Variants in CCDC13 observed in about 807,000 individuals in gnomAD.
CCDC13 encodes the protein coiled-coil domain containing 13.
A neutral mutation model predicts 87.3 loss-of-function variants in CCDC13; 70 were observed. That is an observed-to-expected ratio of 0.80 (90% CI 0.66 to 0.98). The LOEUF is 0.98. Among genes scored for constraint, CCDC13 ranks in the 50% least tolerant of loss-of-function variants. The pLI, the probability that CCDC13 is intolerant of heterozygous loss-of-function variation, is 0.00. For synonymous variants in CCDC13, 317 were observed against 360.3 expected (o/e 0.88, Z 1.36); for missense variants, 842 against 892.0 (o/e 0.94, Z 0.71).
intron 3 of CCDC13, among the ~76,000 whole-genome samples, chr3:42,753,131 T>C (rs989216127): frequency 5.3e-5 from 8 of 152,176 alleles, no homozygotes; most frequent in African/African-American, 1.7e-4. Flanking sequence ...CTTTGGCCAA[T>C]AGCATGTTAA....
chr3:42,733,683 G>T, intron 10 of CCDC13, 74 bp from the exon 11 acceptor site: 1 of 1,510,186 alleles, frequency 6.6e-7, no homozygotes. Context: ...GGGGATCTTG[G>T]CTTGATTTCG....
At chr3:42,744,579 G>A (rs561653830) in intron 7 of CCDC13, among the ~76,000 whole-genome samples, 1 of 152,174 alleles carries the variant, frequency 6.6e-6, no homozygotes, top group Non-Finnish European at 1.5e-5. Flanking sequence ...GCCGAGGTGG[G>A]CGGATCACGA....
At chr3:42,727,073 A>T (rs1698706080) in intron 13 of CCDC13, among the ~76,000 whole-genome samples, 1 of 152,114 alleles carries the variant, frequency 6.6e-6, no homozygotes, top group Non-Finnish European at 1.5e-5. Flanking sequence ...CAAAATAAAG[A>T]CATTTAAAAA....
intron 13 of CCDC13, among the ~76,000 whole-genome samples, chr3:42,727,795 G>C (rs1171792989): frequency 2.0e-5 from 3 of 151,984 alleles, no homozygotes; most frequent in Non-Finnish European, 4.4e-5. Context: ...ACCACTAAAA[G>C]AACAGAGATA....
intron 12 of CCDC13, among the ~76,000 whole-genome samples, chr3:42,732,032 T>C (rs979983703): frequency 6.6e-6 from 1 of 152,142 alleles, no homozygotes; most frequent in African/African-American, 2.4e-5. Context: ...CTCTTTACTG[T>C]GACTAAAACC....
chr3:42,710,132 CAG>C (rs1417493995), intron 14 of CCDC13, among the ~76,000 whole-genome samples: 1 of 140,186 alleles, frequency 7.1e-6, no homozygotes, highest in Admixed American at 7.4e-5. Context: ...TTTTTTGAGA[CAG>C]AGTCTTGCTC....
chr3:42,764,705 T>A (rs1699898812), intron 1 of CCDC13, among the ~76,000 whole-genome samples: 1 of 152,182 alleles, frequency 6.6e-6, no homozygotes, highest in Admixed American at 6.5e-5. Flanking sequence ...CTCCTCTACC[T>A]GGGAGGCCTT....
intron 14 of CCDC13, 41 bp downstream of exon 14, chr3:42,713,118 ACTG>A: frequency 6.3e-7 from 1 of 1,594,926 alleles, no homozygotes; most frequent in Non-Finnish European, 8.6e-7. Context: ...TAGCAGCAAC[ACTG>A]CCTCCACCCC....
chr3:42,747,248 C>A lies in CCDC13; in HGVS notation c.720+9G>T. 1.2e-6 allele frequency: 2 copies of A among 1,610,332 alleles called. No individual in the cohort carries two copies. Among genetic ancestry groups the A allele is most frequent in the Non-Finnish European group, 1.7e-6 (2 of 1,176,604 alleles). On this transcript the variant is annotated intron_variant, in intron 6 of 15. Transcript: ENST00000310232. ...ACACAAGAAGCCCCAAGCCCTGGCT[C>A]TGAAAGACCTTCTGTGCCATCCGCA...
intron 1 of CCDC13, chr3:42,770,925 G>C (rs975318824): frequency 1.3e-5 from 2 of 152,248 alleles, no homozygotes; most frequent in Non-Finnish European, 2.9e-5. Context: ...ACAAACTCCA[G>C]ACACGCCACC....
At chr3:42,758,095 A>ACACACC (rs766044655) in intron 2 of CCDC13, 30 bp downstream of exon 2, 49 of 1,465,952 alleles carry the variant, frequency 3.3e-5, no homozygotes, top group East Asian at 1.6e-4. Flanking sequence ...ACACACACAC[A>ACACACC]CCCCTGAGAG....
chr3:42,755,122 C>A (rs759252025), intron 3 of CCDC13, among the ~76,000 whole-genome samples: 3 of 152,060 alleles, frequency 2.0e-5, no homozygotes, highest in Non-Finnish European at 2.9e-5. Flanking sequence ...TTCTACATTC[C>A]ATTTGAAGTG....
chr3:42,725,545 A>AG (rs1698667743), intron 13 of CCDC13, among the ~76,000 whole-genome samples: 1 of 151,466 alleles, frequency 6.6e-6, no homozygotes, highest in Non-Finnish European at 1.5e-5. Flanking sequence ...AAAAAAAAAA[A>AG]AAAGAGGACT....
At chr3:42,750,529 G>A (rs576779053) in intron 5 of CCDC13, among the ~76,000 whole-genome samples, 7 of 152,298 alleles carry the variant, frequency 4.6e-5, no homozygotes, top group African/African-American at 1.4e-4. Flanking sequence ...GTGCAGTGGC[G>A]CTATCTCAGC....
At chr3:42,769,883 G>A (rs963242400) in intron 1 of CCDC13, among the ~76,000 whole-genome samples, 9 of 152,242 alleles carry the variant, frequency 5.9e-5, no homozygotes, top group South Asian at 2.1e-4. Flanking sequence ...AATTTCTCAC[G>A]GGGCCTTAGC....
chr3:42,748,045 GA>G (rs144997345), intron 5 of CCDC13, among the ~76,000 whole-genome samples: 2,770 of 151,776 alleles, frequency 0.018, 73 homozygotes, highest in African/African-American at 0.063. Flanking sequence ...CAGCAACCAT[GA>G]AAACTGCCTG....
At chr3:42,771,283 A>G (rs1035300548) in intron 1 of CCDC13, among the ~76,000 whole-genome samples, 1 of 152,248 alleles carries the variant, frequency 6.6e-6, no homozygotes, top group Non-Finnish European at 1.5e-5. Context: ...AAAAGATACC[A>G]GTGATTGTAA....
At chr3:42,754,609 G>A (rs1699664676) in intron 3 of CCDC13, among the ~76,000 whole-genome samples, 1 of 152,218 alleles carries the variant, frequency 6.6e-6, no homozygotes, top group African/African-American at 2.4e-5. Context: ...TGGATAGGAT[G>A]TGTGAAGCAG....
At position 42,758,282 on chromosome 3, in the gene CCDC13, G is replaced by A; in HGVS notation, c.64C>T (p.Gln22Ter). ...RLQFKAMQEMQHKRLQKQMEK... is the reference protein window; with the variant it reads ...RLQFKAMQEM ...ATCTGCTTCTGTAACCGTTTGTGCTGCATCTCCTGCATTGCCTTGAACTGG... is the reference window on the plus strand; with the variant it reads ...ATCTGCTTCTGTAACCGTTTGTGCTACATCTCCTGCATTGCCTTGAACTGG... The change falls in exon 2 of 16, where the codon CAG (glutamine) becomes TAG (stop). Residue 22 changes from glutamine (Q) to a stop codon, truncating the protein, a stop_gained. Coordinates refer to ENST00000310232, the MANE Select transcript of CCDC13 (RefSeq NM_144719.4). LOFTEE classifies it high-confidence loss of function. 6.2e-7 allele frequency: 1 copy of A among 1,613,422 alleles called. No homozygotes were observed. Among genetic ancestry groups the A allele is most frequent in the Non-Finnish European group, 8.5e-7 (1 of 1,180,012 alleles).
Sources: allele counts gnomAD v4.1 joint callset (sites outside exome capture counted in the v4.1 genomes callset), GRCh38; gene constraint gnomAD v4.1.1; transcripts MANE v1.5; gene names NCBI Gene and HGNC (gene_info 2026-07-23, HGNC 2026-07-21).